Variants in MAPK10 observed in about 807,000 individuals in gnomAD.
MAPK10 encodes the protein mitogen-activated protein kinase 10.
A neutral mutation model predicts 59.3 loss-of-function variants in MAPK10; 25 were observed. The observed-to-expected ratio is 0.42, with a 90% confidence interval of 0.31 to 0.59. MAPK10 has a LOEUF of 0.59. MAPK10 is among the 20% of genes least tolerant of loss of function. MAPK10 has a pLI of 0.15. For synonymous variants in MAPK10, 190 were observed against 200.5 expected (o/e 0.95, Z 0.44); for missense variants, 351 against 568.9 (o/e 0.62, Z 3.90).
intron 9 of MAPK10, among the ~76,000 whole-genome samples, chr4:86,076,360 C>G (rs1228554607): frequency 6.6e-6 from 1 of 152,224 alleles, no homozygotes; most frequent in South Asian, 2.1e-4. Flanking sequence ...TCTTCTGCGT[C>G]GCTCACGCTG....
intron 2 of MAPK10, among the ~76,000 whole-genome samples, chr4:86,297,142 C>G (rs2095380209): frequency 6.6e-6 from 1 of 152,140 alleles, no homozygotes; most frequent in Non-Finnish European, 1.5e-5. Flanking sequence ...CACTTAAAAT[C>G]AGGGATGTAT....
rs768402010 is a variant in MAPK10 at position 86,029,234 on chromosome 4, A to T, written c.1215T>A (p.Thr405=). ...YKEVMNSEEK[T]KNGVVKGQPS... is the part of the protein sequence containing the mutation. The stretch of plus-strand genomic sequence containing the variant: ...GCTGTCCTTTTACTACACCATTTTT[A>T]GTCTTTTCTTCTGAATTCATTACTT... Residue 405 remains threonine (T), a synonymous_variant, in exon 13 of 14, where the codon ACT becomes ACA. Coordinates refer to ENST00000641462, the MANE Select transcript of MAPK10 (RefSeq NM_138982.4). 8.7e-6 allele frequency: 14 copies of T among 1,611,602 alleles called. No homozygotes were observed. In the East Asian group the frequency reaches 1.1e-4, roughly 13 times the overall value.
intron 1 of MAPK10, among the ~76,000 whole-genome samples, chr4:86,354,945 C>T (rs981502030): frequency 6.6e-6 from 1 of 152,166 alleles, no homozygotes; most frequent in East Asian, 1.9e-4. Flanking sequence ...AGGCACCCCA[C>T]TCATCCTCAA....
At chr4:86,180,188 C>T (rs2076580076) in intron 3 of MAPK10, among the ~76,000 whole-genome samples, 1 of 151,930 alleles carries the variant, frequency 6.6e-6, no homozygotes, top group East Asian at 1.9e-4. Context: ...ACAGACATGT[C>T]TCAAAAGAAG....
chr4:86,198,728 CTA>C (rs1388787893), intron 2 of MAPK10, among the ~76,000 whole-genome samples: 7 of 151,262 alleles, frequency 4.6e-5, no homozygotes, highest in African/African-American at 9.7e-5. Context: ...ATAAAATAAA[CTA>C]TATTAAAATT....
chr4:86,425,570 T>C (rs999191154), intron 1 of MAPK10, among the ~76,000 whole-genome samples: 2 of 152,238 alleles, frequency 1.3e-5, no homozygotes, highest in Non-Finnish European at 2.9e-5. Context: ...GCAGTTTGCT[T>C]AGCCTATGGA....
At chr4:86,337,429 G>A (rs1722169699) in intron 2 of MAPK10, among the ~76,000 whole-genome samples, 1 of 152,202 alleles carries the variant, frequency 6.6e-6, no homozygotes, top group Non-Finnish European at 1.5e-5. Flanking sequence ...ATTTATGTGA[G>A]TGGATGTCCA....
chr4:86,446,772 T>C (rs1750101253), intron 1 of MAPK10, among the ~76,000 whole-genome samples: 1 of 152,214 alleles, frequency 6.6e-6, no homozygotes, highest in Non-Finnish European at 1.5e-5. Context: ...TGAAATGCTG[T>C]GTCTCATTTA....
intron 2 of MAPK10, among the ~76,000 whole-genome samples, chr4:86,295,203 C>T (rs1349758740): frequency 2.0e-5 from 3 of 152,182 alleles, no homozygotes; most frequent in African/African-American, 4.8e-5. Flanking sequence ...CAAAACAACA[C>T]GGTGTTTGTT....
At chr4:86,134,217 T>C (rs1370735715) in intron 4 of MAPK10, among the ~76,000 whole-genome samples, 1 of 152,252 alleles carries the variant, frequency 6.6e-6, no homozygotes, top group East Asian at 1.9e-4. Context: ...TTTGAAGATA[T>C]CTTTCATCTC....
intron 1 of MAPK10, among the ~76,000 whole-genome samples, chr4:86,568,884 G>A (rs1419307632): frequency 2.0e-5 from 3 of 151,854 alleles, no homozygotes; most frequent in African/African-American, 7.3e-5. Context: ...ATTGGTCTGG[G>A]CTAAGAATTT....
chr4:86,211,203 T>C (rs1283226904), intron 2 of MAPK10, among the ~76,000 whole-genome samples: 1 of 151,984 alleles, frequency 6.6e-6, no homozygotes. Context: ...CCAAGTTTGA[T>C]GAAAGATATA....
At chr4:86,136,739 C>A (rs28895314) in intron 4 of MAPK10, among the ~76,000 whole-genome samples, 26,959 of 151,034 alleles carry the variant, frequency 0.18, 2,482 homozygotes, top group African/African-American at 0.22. Context: ...CACAGACTGG[C>A]AAATTGGATA....
intron 2 of MAPK10, among the ~76,000 whole-genome samples, chr4:86,331,778 A>ATCATGAAATGAACC (rs1168084946): frequency 6.6e-6 from 1 of 152,192 alleles, no homozygotes; most frequent in Non-Finnish European, 1.5e-5. Flanking sequence ...TAACAAATCA[A>ATCATGAAATGAACC]TCATGAAATG....
intron 4 of MAPK10, chr4:86,120,201 C>A (rs2059001434): frequency 6.6e-6 from 1 of 152,184 alleles, no homozygotes; most frequent in African/African-American, 2.4e-5. Flanking sequence ...AAAGCCATTT[C>A]ACCTATGTAA....
At chr4:86,343,314 T>G (rs140699982) in intron 2 of MAPK10, among the ~76,000 whole-genome samples, 24 of 152,248 alleles carry the variant, frequency 1.6e-4, no homozygotes, top group African/African-American at 3.6e-4. Flanking sequence ...TGAAAGTACA[T>G]CCCTCTTGTT....
intron 2 of MAPK10, among the ~76,000 whole-genome samples, chr4:86,240,860 T>A (rs576214927): frequency 6.6e-6 from 1 of 152,182 alleles, no homozygotes; most frequent in Non-Finnish European, 1.5e-5. Flanking sequence ...TATTGTTATA[T>A]GTGAATTTGA....
intron 11 of MAPK10, among the ~76,000 whole-genome samples, chr4:86,058,083 G>A (rs997797845): frequency 6.7e-6 from 1 of 149,546 alleles, no homozygotes; most frequent in Non-Finnish European, 1.5e-5. Flanking sequence ...CTATCAGGTT[G>A]GTATAGTACT....
At chr4:86,484,336 A>G (rs1332103210) in intron 1 of MAPK10, among the ~76,000 whole-genome samples, 1 of 152,206 alleles carries the variant, frequency 6.6e-6, no homozygotes, top group Non-Finnish European at 1.5e-5. Context: ...CTGATGCTCA[A>G]AACTTTAAAT....
Sources: allele counts gnomAD v4.1 joint callset (sites outside exome capture counted in the v4.1 genomes callset), GRCh38; gene constraint gnomAD v4.1.1; transcripts MANE v1.5; gene names NCBI Gene and HGNC (gene_info 2026-07-23, HGNC 2026-07-21).